DIAPH1: variants seen among roughly 807,000 people sequenced by gnomAD.
DIAPH1 encodes protein diaphanous homolog 1.
In DIAPH1, 46 loss-of-function variants were observed where a neutral mutation model predicts 140.7. The ratio of observed to expected loss-of-function variants is 0.33; its 90% confidence interval spans 0.26 to 0.42. The LOEUF is 0.42. Ranked by LOEUF, DIAPH1 falls within the 10% of genes least tolerant of loss-of-function variation. DIAPH1 has a pLI of 1.00. For synonymous variants in DIAPH1, 565 were observed against 551.6 expected, an observed-to-expected ratio of 1.02 and a Z score of -0.34; for missense variants, 1,310 against 1,558.7, an observed-to-expected ratio of 0.84 and a Z score of 2.69.
In DIAPH1 at chr5:141,574,081, C is replaced by A. The variant is rs189809247; in HGVS notation, c.1769G>T (p.Gly590Val). Residue 590 changes from glycine (G) to valine (V), a missense_variant, in exon 16 of 28, where the codon GGT becomes GTT. This residue lies in a region of DIAPH1 where 589 missense variants were observed against 549.3 expected (regional missense o/e 1.07). Coordinates refer to ENST00000389054, the MANE Select transcript of DIAPH1 (RefSeq NM_005219.5). ...APVPPAPPLP[G>V]DSGTIIPPPP... ...TGGTGGAATAATAGTGCCAGAGTCA[C>A]CAGGTAAAGGAGGGGCAGGGGGAAC... is the stretch of plus-strand genomic sequence containing the variant. The A allele has an allele frequency of 1.5e-3, 2,390 of 1,612,138 alleles. 3 individuals are homozygous for A. The highest frequency in any genetic ancestry group is 1.8e-3 in the Non-Finnish European group (2,078 of 1,179,304).
In DIAPH1 at chr5:141,528,537, A is replaced by C. The variant is rs773028163; in HGVS notation, c.3064T>G (p.Phe1022Val). 3 of 1,614,234 alleles carry C rather than the reference A, an allele frequency of 1.9e-6. No individual in the cohort carries two copies. ...TCATTCTCACACAACTCAGCCAAGA[A>C]GTGTAACAACGTCATCTTCTGATCT... ...STDQKMTLLH[F>V]LAELCENDYP... The change falls in exon 23 of 28, where the codon TTC becomes GTC. Residue 1022 changes from phenylalanine (F) to valine (V), a missense_variant. Phe to Val is a conservative substitution (Grantham distance 50). Transcript: ENST00000389054.
chr5:141,576,932 T>A, intron 12 of DIAPH1, 61 bp from the exon 13 acceptor site: 2 of 1,095,598 alleles, frequency 1.8e-6, no homozygotes, highest in Non-Finnish European at 2.8e-6. Context: ...TCAGAAGTAT[T>A]CAGGACCAAG....
intron 1 of DIAPH1, among the ~76,000 whole-genome samples, chr5:141,592,457 T>C (rs769595246): frequency 2.4e-4 from 37 of 151,602 alleles, no homozygotes; most frequent in Non-Finnish European, 5.0e-4. Flanking sequence ...TTCTCTGAAA[T>C]ATAGAATAAG....
chr5:141,547,343 T>C lies in DIAPH1; in HGVS notation c.2483-12910A>G, dbSNP rs920560521. On this transcript the variant is annotated intron_variant, in intron 18 of 27. Transcript: ENST00000389054. ...GGCCAGGCACGGTGGCAGGTGCCTG[T>C]AGTCCCAGCTACTCGGGAGGCTGAG... Among the ~76,000 whole-genome samples the C allele has an allele frequency of 4.6e-5, 7 of 152,012 alleles. No homozygotes were observed. In the South Asian group the frequency reaches 8.3e-4, roughly 18 times the overall value.
At chr5:141,556,727 T>C (rs1467906672) in intron 18 of DIAPH1, among the ~76,000 whole-genome samples, 1 of 152,218 alleles carries the variant, frequency 6.6e-6, no homozygotes, top group African/African-American at 2.4e-5. Flanking sequence ...AGTCTCACTC[T>C]GTCACCCAGG....
At chr5:141,536,229 G>A (rs1037589726) in intron 18 of DIAPH1, among the ~76,000 whole-genome samples, 9 of 152,154 alleles carry the variant, frequency 5.9e-5, no homozygotes, top group African/African-American at 2.2e-4. Context: ...CTGAGCCCAG[G>A]AGATTGAGGC....
intron 18 of DIAPH1, among the ~76,000 whole-genome samples, chr5:141,539,915 A>G (rs1431103385): frequency 6.9e-6 from 1 of 144,974 alleles, no homozygotes; most frequent in East Asian, 2.0e-4. Context: ...TCTATTCTCT[A>G]TTTTGTTAAT....
chr5:141,520,033 C>T (rs1211286014), intron 27 of DIAPH1, among the ~76,000 whole-genome samples: 3 of 152,084 alleles, frequency 2.0e-5, no homozygotes, highest in African/African-American at 7.2e-5. Flanking sequence ...CAAAATCAAC[C>T]ATATAACGCA....
At chr5:141,566,788 G>A (rs6881581) in intron 18 of DIAPH1, among the ~76,000 whole-genome samples, 44,021 of 151,976 alleles carry the variant, frequency 0.29, 6,788 homozygotes, top group South Asian at 0.37. Context: ...CCAGCTACTC[G>A]GGAGGCTGAG....
At chr5:141,527,825 TTAA>T in intron 23 of DIAPH1, 128 bp from the exon 24 acceptor site, 1 of 1,186,140 alleles carries the variant, frequency 8.4e-7, no homozygotes, top group Non-Finnish European at 1.2e-6. Flanking sequence ...ATTCTGGTAC[TTAA>T]TAATTTTAGT....
Position 141,529,673 on chromosome 5 carries a change from A to G in DIAPH1, c.2606T>C (p.Met869Thr), listed in dbSNP as rs2099887906. The change falls in exon 20 of 28, where the codon ATG (methionine) becomes ACG (threonine). Residue 869 changes from methionine (M) to threonine (T), a missense_variant. Met to Thr is a moderately conservative substitution (Grantham distance 81). This residue lies in a region of DIAPH1 where 344 missense variants were observed against 512.2 expected (regional missense o/e 0.67). Transcript: ENST00000389054. ...GACATTCTTAATCTCTTGATAGGGCATGCGGAAGGAACCCAAAAAGATTGC... is the reference window on the plus strand; with the variant it reads ...GACATTCTTAATCTCTTGATAGGGCGTGCGGAAGGAACCCAAAAAGATTGC... ...NLSIFLGSFR[M>T]PYQEIKNVIL... The G allele has an allele frequency of 1.2e-6, 2 of 1,614,162 alleles. No individual in the cohort carries two copies.
chr5:141,531,371 G>GCAGT (rs1469218453), intron 19 of DIAPH1, among the ~76,000 whole-genome samples: 1 of 151,412 alleles, frequency 6.6e-6, no homozygotes, highest in Non-Finnish European at 1.5e-5. Context: ...GTGCAGCAGT[G>GCAGT]CAGTCATAGC....
chr5:141,537,425 G>T (rs565239568), intron 18 of DIAPH1, among the ~76,000 whole-genome samples: 3 of 147,206 alleles, frequency 2.0e-5, no homozygotes, highest in South Asian at 4.3e-4. Flanking sequence ...AGAGGTTGTG[G>T]TGAGCTGAGA....
At chr5:141,584,271 CT>C in intron 3 of DIAPH1, 46 bp from the exon 4 acceptor site, 1 of 1,144,266 alleles carries the variant, frequency 8.7e-7, no homozygotes, top group Non-Finnish European at 1.3e-6. Context: ...GCCTCAAATT[CT>C]TTACAAATTT....
intron 18 of DIAPH1, among the ~76,000 whole-genome samples, chr5:141,547,347 C>G (rs1562299404): frequency 6.6e-6 from 1 of 152,100 alleles, no homozygotes; most frequent in African/African-American, 2.4e-5. Context: ...TGCCTGTAGT[C>G]CCAGCTACTC....
At chr5:141,588,385 T>C (rs2099897861) in intron 1 of DIAPH1, 135 bp from the exon 2 acceptor site, 1 of 723,428 alleles carries the variant, frequency 1.4e-6, no homozygotes, top group Non-Finnish European at 2.5e-6. Flanking sequence ...TGCAAGCTAA[T>C]GATTTCTGTC....
intron 18 of DIAPH1, among the ~76,000 whole-genome samples, chr5:141,556,156 G>C (rs1352211106): frequency 6.6e-6 from 1 of 152,124 alleles, no homozygotes; most frequent in Non-Finnish European, 1.5e-5. Context: ...TCAAGGGAAG[G>C]ACTAGCGATA....
intron 6 of DIAPH1, among the ~76,000 whole-genome samples, 191 bp from the exon 7 acceptor site, chr5:141,582,566 T>G (rs1208306840): frequency 6.6e-6 from 1 of 152,214 alleles, no homozygotes; most frequent in African/African-American, 2.4e-5. Flanking sequence ...TCAACAAATC[T>G]GGCTGATCCT....
chr5:141,563,890 G>A (rs2099893969), intron 18 of DIAPH1: 1 of 152,214 alleles, frequency 6.6e-6, no homozygotes, highest in Non-Finnish European at 1.5e-5. Context: ...GGAATTCCCT[G>A]AAGAAATGGA....
Sources: gnomAD v4.1 joint callset for allele counts (sites outside exome capture counted in the v4.1 genomes callset) on GRCh38, gnomAD v4.1.1 for gene constraint, gnomAD v4.1.1 regional missense constraint, MANE v1.5 for transcripts, NCBI Gene and HGNC (gene_info 2026-07-23, HGNC 2026-07-21) for gene names.